The following WDR41 variants were observed in gnomAD, a reference collection of about 807,000 sequenced individuals.
The protein encoded by WDR41 is WD repeat-containing protein 41.
In WDR41, 63 loss-of-function variants were observed where a neutral mutation model predicts 69.3. The observed-to-expected ratio is 0.91, with a 90% CI of 0.74 to 1.12. The LOEUF (loss-of-function observed/expected upper bound fraction) is 1.12, where lower values mean the gene tolerates loss of function less well. Among genes scored for constraint, WDR41 ranks in the 50% most tolerant of loss-of-function variants. The pLI is 0.00. For missense variants in WDR41, 543 were observed against 534.5 expected (o/e 1.02, Z -0.16); for synonymous variants, 185 against 192.1 (o/e 0.96, Z 0.31).
At chr5:77,503,328 A>G (rs1218996316) in intron 1 of WDR41, among the ~76,000 whole-genome samples, 1 of 152,180 alleles carries the variant, frequency 6.6e-6, no homozygotes, top group African/African-American at 2.4e-5. Flanking sequence ...AGAGCTAACT[A>G]TCCTAAATAT....
intron 1 of WDR41, among the ~76,000 whole-genome samples, chr5:77,508,980 T>A (rs1398558088): frequency 6.6e-6 from 1 of 152,288 alleles, no homozygotes; most frequent in East Asian, 1.9e-4. Context: ...CAATGTCCTG[T>A]GGTATAAATG....
At chr5:77,610,751 C>A (rs1274135278) in intron 1 of WDR41, among the ~76,000 whole-genome samples, 3 of 152,066 alleles carry the variant, frequency 2.0e-5, no homozygotes, top group African/African-American at 7.2e-5. Context: ...CATCAACTAA[C>A]GAGCAAAATC....
chr5:77,583,634 C>G (rs1743983558), intron 1 of WDR41, among the ~76,000 whole-genome samples: 1 of 151,898 alleles, frequency 6.6e-6, no homozygotes, highest in Non-Finnish European at 1.5e-5. Context: ...TTTTAAAAAA[C>G]TACCAACAGT....
intron 2 of WDR41, 129 bp downstream of exon 2, chr5:77,489,328 C>T (rs746318155): frequency 1.4e-5 from 7 of 497,740 alleles, no homozygotes; most frequent in Non-Finnish European, 2.4e-5. Flanking sequence ...TCAATTTCTA[C>T]TAAATGTTAC....
intron 2 of WDR41, among the ~76,000 whole-genome samples, chr5:77,468,694 A>G (rs1800415229): frequency 6.6e-6 from 1 of 152,168 alleles, no homozygotes; most frequent in South Asian, 2.1e-4. Flanking sequence ...ATGTCTACAT[A>G]AGGCACTGAA....
chr5:77,481,314 G>A (rs1801247928), intron 2 of WDR41, among the ~76,000 whole-genome samples: 1 of 152,030 alleles, frequency 6.6e-6, no homozygotes, highest in South Asian at 2.1e-4. Flanking sequence ...GGCCCCTTGT[G>A]GGTTTTCTGA....
At chr5:77,514,260 T>C (rs766397228) in intron 1 of WDR41, among the ~76,000 whole-genome samples, 14 of 152,190 alleles carry the variant, frequency 9.2e-5, no homozygotes, top group African/African-American at 1.4e-4. Flanking sequence ...ATTTTTGTGC[T>C]ACGTGTTTTC....
At chr5:77,524,029 C>T (rs1372868808) in intron 1 of WDR41, among the ~76,000 whole-genome samples, 1 of 152,120 alleles carries the variant, frequency 6.6e-6, no homozygotes, top group Non-Finnish European at 1.5e-5. Context: ...TTTTTCTAAA[C>T]GTGTTTTCTA....
At chr5:77,442,893 C>CTAAAAAAAAAA (rs1268940980) in intron 8 of WDR41, among the ~76,000 whole-genome samples, 1 of 18,332 alleles carries the variant, frequency 5.5e-5, no homozygotes, top group Non-Finnish European at 7.8e-5. Context: ...CTCTGTCTCC[C>CTAAAAAAAAAA]CAAAAAAAAA....
chr5:77,566,625 G>C (rs2112266302), intron 1 of WDR41, among the ~76,000 whole-genome samples: 1 of 152,276 alleles, frequency 6.6e-6, no homozygotes, highest in East Asian at 1.9e-4. Context: ...GAGTTTGAGG[G>C]TGTGGTGCAT....
At chr5:77,506,128 A>C (rs1159235344) in intron 1 of WDR41, among the ~76,000 whole-genome samples, 2 of 152,228 alleles carry the variant, frequency 1.3e-5, no homozygotes, top group Non-Finnish European at 2.9e-5. Context: ...AAATTTTTGC[A>C]ATCTATCCAT....
At chr5:77,496,979 A>G (rs1022193994), upstream of WDR41, among the ~76,000 whole-genome samples, 2 of 152,142 alleles carry the variant, frequency 1.3e-5, no homozygotes, top group Non-Finnish European at 2.9e-5. Flanking sequence ...CAAGTGTACT[A>G]AGACCATCCA....
intron 1 of WDR41, among the ~76,000 whole-genome samples, chr5:77,539,097 T>C (rs1244029235): frequency 1.3e-5 from 2 of 152,104 alleles, no homozygotes; most frequent in African/African-American, 4.8e-5. Flanking sequence ...ATCTTTCTGG[T>C]ATCTCTTTTT....
At chr5:77,441,596 G>A (rs150574939) in intron 8 of WDR41, among the ~76,000 whole-genome samples, 2,754 of 152,156 alleles carry the variant, frequency 0.018, 36 homozygotes, top group Middle Eastern at 0.061. Context: ...AAAATTAGCC[G>A]GGCATGGTGG....
intron 1 of WDR41, among the ~76,000 whole-genome samples, chr5:77,548,176 ATTCTAGAAGATAACATTGGAAAAACTC>A (rs1452037425): frequency 1.3e-5 from 2 of 152,248 alleles, no homozygotes; most frequent in African/African-American, 2.4e-5. Context: ...AACTATAAAA[ATTCTAGAAGATAACATTGGAAAAACTC>A]TTCTAGACAT....
intron 2 of WDR41, among the ~76,000 whole-genome samples, chr5:77,471,236 A>G (rs1321324633): frequency 6.6e-6 from 1 of 152,214 alleles, no homozygotes; most frequent in Non-Finnish European, 1.5e-5. Flanking sequence ...AACAAGAACA[A>G]AGACACAACA....
Position 77,617,644 on chromosome 5 carries a change from T to C in WDR41, c.42+2835A>G, listed in dbSNP as rs1468235185. On this transcript the variant is annotated intron_variant, in intron 1 of 5. Transcript: ENST00000509971. ...GCAAAATGCAAAACAAAACACAAAA[T>C]ACCATCTACGTTTTTGGTCATAAGT... Among the ~76,000 whole-genome samples the C allele has an allele frequency of 2.0e-5, 3 of 152,066 alleles. No homozygotes were observed. The East Asian group carries it at 5.8e-4, about 29-fold the overall frequency.
At chr5:77,439,911 T>C (rs920502140) in intron 9 of WDR41, among the ~76,000 whole-genome samples, 1 of 152,172 alleles carries the variant, frequency 6.6e-6, no homozygotes, top group African/African-American at 2.4e-5. Flanking sequence ...CCATACTGTC[T>C]TTATCATGTA....
chr5:77,559,479 C>T (rs376595204), intron 1 of WDR41, among the ~76,000 whole-genome samples: 11 of 151,826 alleles, frequency 7.2e-5, no homozygotes, highest in Admixed American at 1.3e-4. Context: ...CTAATTAGAC[C>T]GTACTGGTGG....
Sources: allele counts gnomAD v4.1 joint callset (sites outside exome capture counted in the v4.1 genomes callset), GRCh38; gene constraint gnomAD v4.1.1; transcripts MANE v1.5; gene names NCBI Gene and HGNC (gene_info 2026-07-23, HGNC 2026-07-21).